C9orf57: variants seen among roughly 807,000 people sequenced by gnomAD.
C9orf57 encodes the protein uncharacterized protein C9orf57.
Under a neutral mutation model 12.9 loss-of-function variants are expected in C9orf57, and 12 were observed. That is an observed-to-expected ratio of 0.93 (90% CI 0.60 to 1.51). The LOEUF (loss-of-function observed/expected upper bound fraction) is 1.51. Ranked by LOEUF, C9orf57 falls within the 40% of genes most tolerant of loss-of-function variation. C9orf57 has a pLI of 0.00. For missense variants in C9orf57, 141 were observed against 162.8 expected, an observed-to-expected ratio of 0.87 and a Z score of 0.73; for synonymous variants, 49 against 57.1, an observed-to-expected ratio of 0.86 and a Z score of 0.64.
intron 2 of C9orf57, among the ~76,000 whole-genome samples, chr9:72,058,019 C>T (rs764662788): frequency 6.6e-5 from 10 of 152,136 alleles, no homozygotes; most frequent in Non-Finnish European, 1.0e-4. Flanking sequence ...ATTCCCAGGG[C>T]CCCCAAAAAC....
rs1321107530 is a variant in C9orf57, at chr9:72,056,551, A to G, written c.157+233T>C. On this transcript the variant is annotated intron_variant, in intron 3 of 4. Transcript: ENST00000651200. ...AAGTACTCACATTTGAATCTTGTCT[A>G]TAAGACTCATTAGCTATGTGACTGT... 2.6e-5 allele frequency among the ~76,000 whole-genome samples: 4 copies of G among 152,052 alleles called. No homozygotes were observed. The East Asian group carries it at 5.8e-4, about 22-fold the overall frequency.
At position 72,052,284 on chromosome 9, in the gene C9orf57, T is replaced by C; in HGVS notation, c.*12A>G. The C allele has an allele frequency of 1.3e-6, 2 of 1,551,316 alleles. No individual in the cohort carries two copies. Among genetic ancestry groups the C allele is most frequent in the Non-Finnish European group, 8.7e-7 (1 of 1,146,848 alleles). ...ATTGATCTGCCAAGCATTTTAGATA[T>C]GGGCCACTGACTCAGAAATTGCACA... On this transcript the variant is annotated 3_prime_UTR_variant, in exon 5 of 5. Transcript: ENST00000651200.
At chr9:72,053,360 AT>A (rs1282507542) in intron 4 of C9orf57, among the ~76,000 whole-genome samples, 1 of 152,214 alleles carries the variant, frequency 6.6e-6, no homozygotes, top group East Asian at 1.9e-4. Context: ...TAAATGGCAA[AT>A]TTCCCAAATT....
At chr9:72,060,008 G>GA (rs1824295953) in intron 1 of C9orf57, among the ~76,000 whole-genome samples, 1 of 151,934 alleles carries the variant, frequency 6.6e-6, no homozygotes, top group Non-Finnish European at 1.5e-5. Context: ...TGGCCAAAAG[G>GA]AAAATACACA....
chr9:72,054,213 G>A (rs961403028), intron 4 of C9orf57, among the ~76,000 whole-genome samples: 4 of 152,208 alleles, frequency 2.6e-5, no homozygotes, highest in Non-Finnish European at 5.9e-5. Context: ...GGTCAGACTG[G>A]TCTCGAACTC....
chr9:72,060,409 T>C (rs1285452649), intron 1 of C9orf57, 88 bp downstream of exon 1: 21 of 710,050 alleles, frequency 3.0e-5, no homozygotes, highest in Admixed American at 2.9e-4. Context: ...CATTATGTGA[T>C]AGTTAACGAT....
intron 3 of C9orf57, 21 bp downstream of exon 3, chr9:72,056,763 T>G: frequency 3.9e-6 from 6 of 1,545,358 alleles, no homozygotes; most frequent in Non-Finnish European, 5.2e-6. Context: ...TAATTAAAAT[T>G]TTTAAAGTGT....
At position 72,052,200 on chromosome 9, in the gene C9orf57, A is replaced by C; in HGVS notation, c.*96T>G. 7.2e-7 allele frequency: 1 copy of C among 1,380,778 alleles called. No homozygotes were observed. The highest frequency in any genetic ancestry group is 1.4e-5 in the African/African-American group (1 of 69,378). 85.5% of individuals were successfully genotyped at this position (1,380,778 alleles called of 1,614,324 possible). A position where few individuals can be genotyped will look rare whatever the true frequency, so the allele number is the denominator to read the frequency against. On this transcript the variant is annotated 3_prime_UTR_variant, in exon 5 of 5. Coordinates refer to ENST00000651200, the MANE Select transcript of C9orf57 (RefSeq NM_001128618.2). ...TACCTACAAGGGTCTGAGGTTTCTG[A>C]AGTGGGCTAATTGACAATAGCCATC...
In C9orf57 at chr9:72,052,084, T is replaced by G. The variant is rs925805231; in HGVS notation, c.*212A>C. 21 of 506,936 alleles carry G rather than the reference T, an allele frequency of 4.1e-5. No individual in the cohort carries two copies. Among genetic ancestry groups the G allele is most frequent in the African/African-American group, 3.9e-4 (20 of 50,840 alleles). The allele number at this position is 506,936 out of a possible 1,614,324, so 31.4% of individuals were successfully genotyped here. On this transcript the variant is annotated 3_prime_UTR_variant, in exon 5 of 5. Coordinates refer to ENST00000651200, the MANE Select transcript of C9orf57 (RefSeq NM_001128618.2). ...AAGGAGGAGAGGAGAGAAATGGTGT[T>G]GAAAGGGCTATTTCTCAGATGAGTT... is the stretch of plus-strand genomic sequence containing the variant.
chr9:72,053,914 C>A (rs2132432299), intron 4 of C9orf57, among the ~76,000 whole-genome samples: 1 of 152,300 alleles, frequency 6.6e-6, no homozygotes, highest in South Asian at 2.1e-4. Flanking sequence ...GGATCTGGTT[C>A]ATTTTGAGTG....
chr9:72,056,002 A>T, intron 4 of C9orf57, 72 bp downstream of exon 4: 1 of 1,459,732 alleles, frequency 6.9e-7, no homozygotes, highest in Non-Finnish European at 9.2e-7. Context: ...CATCTGGTAT[A>T]TGAAAGTTTG....
In C9orf57 at chr9:72,056,099, G is replaced by A; in HGVS notation, c.255C>T (p.Tyr85=). ...CTTGAATGTGGACCTCTTCTTTACA[G>A]TACTGACCAGGTTCTGCCTGGCAGG... is the stretch of plus-strand genomic sequence containing the variant. ...LGTCQAEPGQ[Y]CKEEVHIQGG... Residue 85 remains tyrosine, a synonymous_variant, in exon 4 of 5, where the codon TAC becomes TAT. Coordinates refer to ENST00000651200, the MANE Select transcript of C9orf57 (RefSeq NM_001128618.2). 1 of 1,550,922 alleles carries A rather than the reference G, an allele frequency of 6.4e-7. No homozygotes were observed. Among genetic ancestry groups the A allele is most frequent in the South Asian group, 1.2e-5 (1 of 83,970 alleles).
At chr9:72,055,515 C>T (rs1460347674) in intron 4 of C9orf57, among the ~76,000 whole-genome samples, 1 of 151,770 alleles carries the variant, frequency 6.6e-6, no homozygotes, top group East Asian at 1.9e-4. Context: ...GCCTCAACCT[C>T]CTGGGCTCGG....
chr9:72,059,560 C>T (rs1280808168), intron 1 of C9orf57, among the ~76,000 whole-genome samples, 176 bp from the exon 2 acceptor site: 2 of 152,346 alleles, frequency 1.3e-5, no homozygotes, highest in East Asian at 3.9e-4. Context: ...GTGGCTCACG[C>T]CTGTATTCCC....
At position 72,052,042 on chromosome 9, in the gene C9orf57, G is replaced by T; in HGVS notation, c.*254C>A. ...TTCCTTCTTTGTAGCCTTGTGGTAG[G>T]AAGGTAAATTAAGCAGAAGGAGGAG... On this transcript the variant is annotated 3_prime_UTR_variant, in exon 5 of 5. Coordinates refer to ENST00000651200, the MANE Select transcript of C9orf57 (RefSeq NM_001128618.2). The T allele has an allele frequency of 2.5e-6, 1 of 403,670 alleles. No homozygotes were observed. Among genetic ancestry groups the T allele is most frequent in the Non-Finnish European group, 4.4e-6 (1 of 226,080 alleles). 25.0% of individuals were successfully genotyped at this position (403,670 alleles called of 1,614,324 possible).
rs375438176 is a variant in C9orf57, at chr9:72,051,959, G to GAAAT, written c.*333_*336dup. On this transcript the variant is annotated 3_prime_UTR_variant, in exon 5 of 5. Coordinates refer to ENST00000651200, the MANE Select transcript of C9orf57 (RefSeq NM_001128618.2). ...ATTTTGGAGTATGGAATTATTGAGG[G>GAAAT]AAATGAAAGTAGTTAGAGGTGACAT... 8.2e-5 allele frequency: 19 copies of GAAAT among 232,716 alleles called. No individual in the cohort carries two copies. The highest frequency in any genetic ancestry group is 3.9e-4 in the African/African-American group (17 of 43,800). The allele number at this position is 232,716 out of a possible 1,614,324, so 14.4% of individuals were successfully genotyped here.
In C9orf57 at chr9:72,052,221, C is replaced by A. The variant is rs1026762488; in HGVS notation, c.*75G>T. ...TCTGAAGTGGGCTAATTGACAATAG[C>A]CATCATTTTGTGATAGCCAGGTCAG... On this transcript the variant is annotated 3_prime_UTR_variant, in exon 5 of 5. Coordinates refer to ENST00000651200, the MANE Select transcript of C9orf57 (RefSeq NM_001128618.2). 2.0e-6 allele frequency: 3 copies of A among 1,477,146 alleles called. No homozygotes were observed. Among genetic ancestry groups the A allele is most frequent in the Middle Eastern group, 2.2e-4 (1 of 4,588 alleles). 91.5% of individuals were successfully genotyped at this position (1,477,146 alleles called of 1,614,324 possible).
Position 72,052,147 on chromosome 9 carries a change from A to G in C9orf57, c.*149T>C, listed in dbSNP as rs1008316255. On this transcript the variant is annotated 3_prime_UTR_variant, in exon 5 of 5. Transcript: ENST00000651200. Reference sequence around the variant, plus strand: ...GGAGATATTGGGAATATTGAAAACCAAAGTCAATTTCAGATCAAAATTCCT... The same window carrying G: ...GGAGATATTGGGAATATTGAAAACCGAAGTCAATTTCAGATCAAAATTCCT... 1.2e-6 allele frequency: 1 copy of G among 837,688 alleles called. No individual in the cohort carries two copies. The highest frequency in any genetic ancestry group is 1.7e-5 in the African/African-American group (1 of 57,368). 51.9% of individuals were successfully genotyped at this position (837,688 alleles called of 1,614,324 possible).
intron 3 of C9orf57, 42 bp from the exon 4 acceptor site, chr9:72,056,238 T>C: frequency 1.3e-6 from 2 of 1,509,780 alleles, no homozygotes; most frequent in Non-Finnish European, 1.8e-6. Flanking sequence ...TAGTGATAGA[T>C]ACGAGAGAGA....
Sources: allele counts gnomAD v4.1 joint callset (sites outside exome capture counted in the v4.1 genomes callset), GRCh38; gene constraint gnomAD v4.1.1; transcripts MANE v1.5; gene names NCBI Gene and HGNC (gene_info 2026-07-23, HGNC 2026-07-21).